The following PTPRS variants were observed in gnomAD, a reference collection of about 807,000 sequenced individuals.
PTPRS encodes protein tyrosine phosphatase receptor type S.
A neutral mutation model predicts 215.3 loss-of-function variants in PTPRS; 63 were observed. The observed-to-expected ratio is 0.29, with a 90% CI of 0.24 to 0.36. The LOEUF is 0.36. Ranked by LOEUF, PTPRS falls within the 10% of genes least tolerant of loss-of-function variation. The probability of loss-of-function intolerance (pLI) is 1.00; values close to 1 mark genes in which losing one functional copy is unlikely to be tolerated. For missense variants in PTPRS, 2,258 were observed against 2,825.8 expected (o/e 0.80, Z 4.56); for synonymous variants, 1,404 against 1,191.4 (o/e 1.18, Z -3.68).
chr19:5,261,075 G>A (rs182306669), intron 6 of PTPRS, among the ~76,000 whole-genome samples: 2 of 152,252 alleles, frequency 1.3e-5, no homozygotes, highest in Admixed American at 1.3e-4. Flanking sequence ...GGAATCTCTG[G>A]GGGTGGAGGG....
intron 19 of PTPRS, 134 bp downstream of exon 19, chr19:5,221,989 A>G (rs2145368892): frequency 1.4e-6 from 1 of 706,466 alleles, no homozygotes; most frequent in Non-Finnish European, 2.5e-6. Context: ...CTAAGCCTCA[A>G]TCCTAGCTGA....
In PTPRS at chr19:5,206,812, G is replaced by C; in HGVS notation, c.5809C>G (p.Leu1937Val). The C allele has an allele frequency of 1.2e-6, 2 of 1,614,154 alleles. No individual in the cohort carries two copies. Among genetic ancestry groups the C allele is most frequent in the Non-Finnish European group, 1.7e-6 (2 of 1,179,996 alleles). The change falls in exon 38 of 38, where the codon CTG becomes GTG. Residue 1937 changes from leucine (L) to valine (V), a missense_variant. Leu to Val is a conservative substitution (Grantham distance 32). Transcript: ENST00000262963. ...TGGTCAAAGCTTCCGAGGTACTCCA[G>C]TGCCGCCTGGTAACAGAACTGGTAC... is the stretch of plus-strand genomic sequence containing the variant. ...DEYQFCYQAALEYLGSFDHYA... is the reference protein window; with the variant it reads ...DEYQFCYQAAVEYLGSFDHYA...
intron 1 of PTPRS, among the ~76,000 whole-genome samples, chr19:5,292,469 G>A (rs544489810): frequency 6.6e-6 from 1 of 152,278 alleles, no homozygotes; most frequent in South Asian, 2.1e-4. Context: ...TCAGTACTTG[G>A]GTCCTGGAAC....
chr19:5,312,089 G>T (rs1465331696), intron 1 of PTPRS, among the ~76,000 whole-genome samples: 1 of 151,984 alleles, frequency 6.6e-6, no homozygotes, highest in African/African-American at 2.4e-5. Flanking sequence ...ACATCTCCTG[G>T]TTGTGCGTGA....
In PTPRS at chr19:5,244,152, G is replaced by C; in HGVS notation, c.1319C>G (p.Ala440Gly). 1 of 1,602,038 alleles carries C rather than the reference G, an allele frequency of 6.2e-7. No individual in the cohort carries two copies. Reference sequence around the variant, plus strand: ...CTCCCACTGCACAATCATGGTGGTCGCGCTGAGCATCCGGGCTTGCACGTT... The same window carrying C: ...CTCCCACTGCACAATCATGGTGGTCCCGCTGAGCATCCGGGCTTGCACGTT... Reference protein sequence around the residue: ...PRNVQARMLSATTMIVQWEEP... With the variant: ...PRNVQARMLSGTTMIVQWEEP... The change falls in exon 11 of 38, where the codon GCG becomes GGG. Residue 440 changes from alanine to glycine, a missense_variant. By Grantham distance (60) the Ala-to-Gly change is moderately conservative (BLOSUM62 0). Around this residue, in one of 6 missense-constraint regions of PTPRS, gnomAD observed 508 missense variants for 799.4 expected, o/e 0.64. Transcript: ENST00000262963. This position sits in a 1 kb window ranked among gnomAD's most constrained non-coding sequence, Gnocchi z 7.2.
At position 5,222,926 on chromosome 19, in the gene PTPRS, C is replaced by T. The variant is rs564427160; in HGVS notation, c.2866G>A (p.Ala956Thr). Reference sequence around the variant, plus strand: ...TTGACGATGGCCCCGTTGCGCTCGGCGGGCACGGGTGGCAGCCAGCGGAGA... The same window carrying T: ...TTGACGATGGCCCCGTTGCGCTCGGTGGGCACGGGTGGCAGCCAGCGGAGA... ...VLLRWLPPVP[A>T]ERNGAIVKYT... The change falls in exon 18 of 38, where the codon GCC becomes ACC. Residue 956 changes from alanine to threonine, a missense_variant. Physicochemically the swap from Ala to Thr is moderately conservative, Grantham distance 58. Around this residue, in one of 6 missense-constraint regions of PTPRS, gnomAD observed 361 missense variants for 332.6 expected, o/e 1.09. Coordinates refer to ENST00000262963, the MANE Select transcript of PTPRS (RefSeq NM_002850.4). The T allele has an allele frequency of 4.9e-5, 76 of 1,559,954 alleles. No homozygotes were observed. The highest frequency in any genetic ancestry group is 5.8e-5 in the Non-Finnish European group (67 of 1,160,422).
intron 11 of PTPRS, among the ~76,000 whole-genome samples, chr19:5,242,690 T>G (rs2044147591): frequency 6.6e-6 from 1 of 151,786 alleles, no homozygotes. Context: ...TCTCCGATTT[T>G]ATTTTAATGT....
Position 5,231,326 on chromosome 19 carries a change from G to T in PTPRS, c.2139C>A (p.Val713=), listed in dbSNP as rs1234112063. 1.2e-6 allele frequency: 2 copies of T among 1,609,086 alleles called. No individual in the cohort carries two copies. The highest frequency in any genetic ancestry group is 1.3e-5 in the African/African-American group (1 of 74,910). Residue 713 remains valine, a synonymous_variant, in exon 14 of 38, where the codon GTC becomes GTA. Coordinates refer to ENST00000262963, the MANE Select transcript of PTPRS (RefSeq NM_002850.4). The part of the protein sequence containing the change: ...GPGPESSPVV[V]RTDEDVPSAP... ...GGTACTTACCATCCTCGTCGGTGCG[G>T]ACGACCACGGGCGAGCTCTCGGGCC... is the stretch of plus-strand genomic sequence containing the variant.
intron 1 of PTPRS, among the ~76,000 whole-genome samples, chr19:5,322,879 C>CA (rs60988670): frequency 0.044 from 2,863 of 65,752 alleles, 130 homozygotes; most frequent in South Asian, 0.065. Flanking sequence ...AACTCCGTCT[C>CA]AAAAAAAAAA....
chr19:5,303,247 G>T (rs1392740601), intron 1 of PTPRS, among the ~76,000 whole-genome samples: 2 of 152,120 alleles, frequency 1.3e-5, no homozygotes, highest in African/African-American at 4.8e-5. Flanking sequence ...TGGTGCCCGG[G>T]GCTGATTTTT....
intron 1 of PTPRS, among the ~76,000 whole-genome samples, chr19:5,327,265 G>C (rs1472475877): frequency 6.6e-6 from 1 of 152,190 alleles, no homozygotes; most frequent in African/African-American, 2.4e-5. Context: ...CTTGCTTCCA[G>C]AGGGCACTGA....
At chr19:5,279,072 G>A (rs1053435831) in intron 2 of PTPRS, among the ~76,000 whole-genome samples, 17 of 151,612 alleles carry the variant, frequency 1.1e-4, no homozygotes, top group African/African-American at 3.9e-4. Flanking sequence ...TGTAATCCCC[G>A]CTACTCAGGA....
intron 1 of PTPRS, among the ~76,000 whole-genome samples, chr19:5,314,301 C>T (rs922960460): frequency 8.5e-5 from 13 of 152,302 alleles, no homozygotes; most frequent in South Asian, 2.1e-4. Flanking sequence ...CTGAGCAGCA[C>T]GAACTTTGGA....
chr19:5,229,404 GGAGA>G (rs2042816726), intron 15 of PTPRS, 62 bp from the exon 16 acceptor site: 1 of 1,352,624 alleles, frequency 7.4e-7, no homozygotes, highest in African/African-American at 1.5e-5. Flanking sequence ...GGCCAGAGAT[GGAGA>G]AAGAGAAGCA....
chr19:5,249,508 C>T (rs2044807112), intron 9 of PTPRS, among the ~76,000 whole-genome samples: 1 of 152,150 alleles, frequency 6.6e-6, no homozygotes, highest in African/African-American at 2.4e-5. Flanking sequence ...AGTAGTGTAG[C>T]CAGAGCTCAA....
chr19:5,339,520 A>G lies in PTPRS; in HGVS notation c.-95+1144T>C, dbSNP rs1208943993. 2.6e-5 allele frequency among the ~76,000 whole-genome samples: 4 copies of G among 151,154 alleles called. No homozygotes were observed. The highest frequency in any genetic ancestry group is 2.0e-4 in the East Asian group (1 of 5,064). On this transcript the variant is annotated intron_variant, in intron 1 of 37. Transcript: ENST00000262963. This position sits in a 1 kb window ranked among gnomAD's most constrained non-coding sequence, Gnocchi z 4.2. ...AAAGCGGCCGAAGGGGAGTTCCCCA[A>G]TTTGGGAAGGGGGGGAATTGGTGGG...
intron 9 of PTPRS, 139 bp from the exon 10 acceptor site, chr19:5,246,184 A>G: frequency 2.1e-6 from 1 of 477,398 alleles, no homozygotes; most frequent in East Asian, 3.5e-5. Flanking sequence ...AGAAAAAAAG[A>G]AAAAAAAAGG....
At chr19:5,259,814 T>C (rs1434577264) in intron 7 of PTPRS, among the ~76,000 whole-genome samples, 1 of 152,118 alleles carries the variant, frequency 6.6e-6, no homozygotes, top group African/African-American at 2.4e-5. Context: ...GACCCACAGA[T>C]TGGGGGATTC....
chr19:5,277,549 G>A (rs1004086097), intron 2 of PTPRS, among the ~76,000 whole-genome samples: 7 of 151,598 alleles, frequency 4.6e-5, no homozygotes, highest in Non-Finnish European at 8.8e-5. Context: ...CCAGCTACTC[G>A]GGAGGCTGAG....
Sources: gnomAD v4.1 joint callset for allele counts (sites outside exome capture counted in the v4.1 genomes callset) on GRCh38, gnomAD v4.1.1 for gene constraint, gnomAD v4.1.1 regional missense constraint, Gnocchi (gnomAD v3.1) non-coding constraint, MANE v1.5 for transcripts, NCBI Gene and HGNC (gene_info 2026-07-23, HGNC 2026-07-21) for gene names.